KLRG1: variants seen among roughly 807,000 people sequenced by gnomAD.
KLRG1 encodes the protein killer cell lectin-like receptor subfamily G member 1.
Under a neutral mutation model 21.8 loss-of-function variants are expected in KLRG1, and 16 were observed. That is an observed-to-expected ratio of 0.73 (90% CI 0.50 to 1.11). The LOEUF (loss-of-function observed/expected upper bound fraction) is 1.11, where lower values mean the gene tolerates loss of function less well. Among genes scored for constraint, KLRG1 ranks in the 50% most tolerant of loss-of-function variants. The pLI is 0.00. For synonymous variants in KLRG1, 69 were observed against 75.9 expected, an observed-to-expected ratio of 0.91 and a Z score of 0.47; for missense variants, 173 against 218.3, an observed-to-expected ratio of 0.79 and a Z score of 1.31.
chr12:9,069,507 T>C, the KLRG1 span, among the ~76,000 whole-genome samples: 22,655 of 152,224 alleles, frequency 0.15, 1,776 homozygotes, highest in African/African-American at 0.18. Flanking sequence ...TTGTGAAGAT[T>C]TCTTGCTTAT....
intron 1 of KLRG1, among the ~76,000 whole-genome samples, chr12:8,962,397 G>T (rs190366701): frequency 4.7e-4 from 71 of 152,168 alleles, no homozygotes; most frequent in East Asian, 2.3e-3. Context: ...ACTTGAAAAC[G>T]TATTATCAGA....
At chr12:9,148,971 C>T in the KLRG1 span, 2 of 1,610,026 alleles carry the variant, frequency 1.2e-6, no homozygotes, top group Non-Finnish European at 8.5e-7. Flanking sequence ...CTGTATGGTC[C>T]TCAAACATTT....
the KLRG1 span, chr12:9,127,860 C>T: frequency 4.0e-6 from 1 of 253,152 alleles, no homozygotes; most frequent in South Asian, 4.4e-5. Flanking sequence ...GACTGGGCCC[C>T]GGGGCCCCGG....
chr12:9,079,097 C>G, the KLRG1 span: 2 of 586,750 alleles, frequency 3.4e-6, no homozygotes, highest in South Asian at 3.0e-5. Context: ...TTCTGATTAC[C>G]TTGCTAATCT....
At chr12:8,956,608 G>T (rs765012571) in intron 1 of KLRG1, among the ~76,000 whole-genome samples, 22 of 152,126 alleles carry the variant, frequency 1.4e-4, no homozygotes, top group African/African-American at 5.3e-4. Context: ...ACGACTTCCG[G>T]CTAATTTGTT....
the KLRG1 span, among the ~76,000 whole-genome samples, chr12:9,202,058 A>G: frequency 1.2e-4 from 18 of 152,138 alleles, no homozygotes; most frequent in Non-Finnish European, 1.2e-4. Flanking sequence ...ATGCTTCTTT[A>G]ATATTCTTAA....
At chr12:9,112,025 G>T in the KLRG1 span, 4 of 853,068 alleles carry the variant, frequency 4.7e-6, no homozygotes, top group Non-Finnish European at 8.2e-6. Context: ...TTAGGATCTT[G>T]TGCTGTTGTA....
chr12:8,959,071 T>A (rs1565535249), intron 1 of KLRG1, among the ~76,000 whole-genome samples: 1 of 152,194 alleles, frequency 6.6e-6, no homozygotes, highest in Non-Finnish European at 1.5e-5. Flanking sequence ...CATTCTAATG[T>A]GGGGGCCAAG....
chr12:9,162,715 TCC>T, the KLRG1 span: 45 of 1,261,590 alleles, frequency 3.6e-5, no homozygotes, highest in African/African-American at 6.4e-4. Context: ...CCACATGGAT[TCC>T]TTTCTTTGAT....
intron 1 of KLRG1, among the ~76,000 whole-genome samples, chr12:8,954,515 T>A (rs1286752820): frequency 6.6e-6 from 1 of 151,976 alleles, no homozygotes; most frequent in Non-Finnish European, 1.5e-5. Flanking sequence ...AATCAAAATA[T>A]CTTGTATGCC....
chr12:9,149,570 A>T, the KLRG1 span: 27 of 1,612,886 alleles, frequency 1.7e-5, no homozygotes, highest in Non-Finnish European at 2.2e-5. Context: ...CCTGTGCTGC[A>T]GGGGGCGATA....
chr12:9,016,165 G>T, the KLRG1 span, among the ~76,000 whole-genome samples: 1 of 151,772 alleles, frequency 6.6e-6, no homozygotes. Flanking sequence ...GATCAGAGGA[G>T]AAGTAAATGA....
the KLRG1 span, among the ~76,000 whole-genome samples, chr12:9,100,719 C>T: frequency 6.6e-6 from 1 of 152,202 alleles, no homozygotes; most frequent in African/African-American, 2.4e-5. Context: ...AATGGTCTCT[C>T]GTTACTTGAA....
chr12:8,993,576 T>C (rs968856396), intron 2 of KLRG1, among the ~76,000 whole-genome samples: 5 of 152,172 alleles, frequency 3.3e-5, no homozygotes, highest in East Asian at 1.9e-4. Context: ...GTGTGAGCCA[T>C]TGCGCTCTGC....
At chr12:9,038,499 C>A in the KLRG1 span, among the ~76,000 whole-genome samples, 8 of 152,090 alleles carry the variant, frequency 5.3e-5, no homozygotes, top group Admixed American at 6.5e-5. Flanking sequence ...CGGACTTTAA[C>A]GAAATCTACA....
the KLRG1 span, among the ~76,000 whole-genome samples, chr12:9,063,541 T>A: frequency 3.9e-5 from 6 of 152,218 alleles, no homozygotes; most frequent in Non-Finnish European, 8.8e-5. Flanking sequence ...ACATCACTTT[T>A]AAAAATTCTA....
the KLRG1 span, chr12:9,164,089 C>T: frequency 6.4e-7 from 1 of 1,569,304 alleles, no homozygotes; most frequent in Admixed American, 1.7e-5. Context: ...CAGACAGCCA[C>T]CGTCCTTGTT....
chr12:9,114,718 T>C, the KLRG1 span, among the ~76,000 whole-genome samples: 1 of 114,444 alleles, frequency 8.7e-6, no homozygotes, highest in Non-Finnish European at 1.8e-5. Context: ...TATACATATA[T>C]GAATACATAT....
At chr12:9,010,993 T>C (rs1204707003), downstream of KLRG1, among the ~76,000 whole-genome samples, 1 of 152,186 alleles carries the variant, frequency 6.6e-6, no homozygotes, top group Non-Finnish European at 1.5e-5. Flanking sequence ...TATCCCTTAG[T>C]TATGAATATT....
Sources: allele counts gnomAD v4.1 joint callset (sites outside exome capture counted in the v4.1 genomes callset), GRCh38; gene constraint gnomAD v4.1.1; transcripts MANE v1.5; gene names NCBI Gene and HGNC (gene_info 2026-07-23, HGNC 2026-07-21).